OSBPL1A: variants seen among roughly 807,000 people sequenced by gnomAD.
The protein encoded by OSBPL1A is oxysterol binding protein like 1A.
Under a neutral mutation model 137.1 loss-of-function variants are expected in OSBPL1A, and 80 were observed. That is an observed-to-expected ratio of 0.58 (90% CI 0.49 to 0.70). OSBPL1A has a LOEUF of 0.70. OSBPL1A is among the 30% of genes least tolerant of loss of function. The probability of loss-of-function intolerance (pLI) is 0.00; values close to 1 mark genes in which losing one functional copy is unlikely to be tolerated. For missense variants in OSBPL1A, 970 were observed against 1,129.4 expected (o/e 0.86, Z 2.02); for synonymous variants, 365 against 389.7 (o/e 0.94, Z 0.75).
chr18:24,186,857 T>C (rs1264503875), intron 18 of OSBPL1A, among the ~76,000 whole-genome samples: 3 of 126,070 alleles, frequency 2.4e-5, no homozygotes, highest in Admixed American at 1.0e-4. Context: ...TGAGCCAAGA[T>C]CACGCCACTG....
At position 24,163,088 on chromosome 18, in the gene OSBPL1A, AAAGAT is replaced by A. The variant is rs1287543918; in HGVS notation, c.*86_*90del. ...GAGTGTTTTTTCATTTTTTTTTTTA[AAAGAT>A]AAGTAGAAACCAAGGGAAAAAAATT... On this transcript the variant is annotated 3_prime_UTR_variant, in exon 28 of 28. Transcript: ENST00000319481. The A allele has an allele frequency of 7.7e-6, 7 of 912,148 alleles. No individual in the cohort carries two copies. Among genetic ancestry groups the A allele is most frequent in the South Asian group, 1.9e-5 (1 of 53,422 alleles). The allele number at this position is 912,148 out of a possible 1,614,324, so 56.5% of individuals were successfully genotyped here. A position where few individuals can be genotyped will look rare whatever the true frequency, so the allele number is the denominator to read the frequency against.
chr18:24,282,074 C>G (rs2089972395), intron 14 of OSBPL1A, among the ~76,000 whole-genome samples: 1 of 151,886 alleles, frequency 6.6e-6, no homozygotes, highest in Non-Finnish European at 1.5e-5. Context: ...TCCCCACCCC[C>G]CACTCCCAAC....
chr18:24,171,404 T>C lies in OSBPL1A; in HGVS notation c.2291+5A>G, dbSNP rs1361062298. On this transcript the variant is annotated splice_donor_5th_base_variant and intron_variant, in intron 23 of 27. Coordinates refer to ENST00000319481, the MANE Select transcript of OSBPL1A (RefSeq NM_080597.4). ...ACTATTCAACATTTAAAAGAGAAAT[T>C]TTACCTTTTATCTTGAATGTAGCCT... 2 of 1,598,112 alleles carry C rather than the reference T, an allele frequency of 1.3e-6. No individual in the cohort carries two copies. Among genetic ancestry groups the C allele is most frequent in the Non-Finnish European group, 1.7e-6 (2 of 1,171,434 alleles).
chr18:24,364,170 C>A (rs1599718047), intron 4 of OSBPL1A, among the ~76,000 whole-genome samples: 2 of 152,190 alleles, frequency 1.3e-5, no homozygotes, highest in Admixed American at 1.3e-4. Flanking sequence ...CAGCCTAAAA[C>A]TTAATGAGAC....
intron 3 of OSBPL1A, 123 bp downstream of exon 3, chr18:24,368,164 A>G (rs1172332687): frequency 5.1e-6 from 3 of 588,242 alleles, no homozygotes; most frequent in Non-Finnish European, 3.0e-6. Context: ...AGTGTCTTGA[A>G]TGATGAACTA....
intron 1 of OSBPL1A, among the ~76,000 whole-genome samples, chr18:24,391,804 A>G (rs1907379870): frequency 6.6e-6 from 1 of 152,202 alleles, no homozygotes; most frequent in South Asian, 2.1e-4. Flanking sequence ...ATTTTATCAC[A>G]CACAAAAAAT....
At chr18:24,278,585 T>A (rs1266578582) in intron 15 of OSBPL1A, among the ~76,000 whole-genome samples, 1 of 152,190 alleles carries the variant, frequency 6.6e-6, no homozygotes, top group Non-Finnish European at 1.5e-5. Context: ...AAGCAGATAG[T>A]TTAAAAATTA....
At chr18:24,174,929 T>C (rs1245025122) in intron 21 of OSBPL1A, among the ~76,000 whole-genome samples, 1 of 149,980 alleles carries the variant, frequency 6.7e-6, no homozygotes, top group Non-Finnish European at 1.5e-5. Context: ...TGTGTCCCCA[T>C]GCCTGGCTAA....
At chr18:24,218,616 G>GT (rs1416505771) in intron 17 of OSBPL1A, among the ~76,000 whole-genome samples, 1 of 152,050 alleles carries the variant, frequency 6.6e-6, no homozygotes, top group African/African-American at 2.4e-5. Flanking sequence ...GCTAATTTTT[G>GT]TATTTTTTGG....
chr18:24,256,270 G>A (rs2089271432), intron 15 of OSBPL1A, among the ~76,000 whole-genome samples: 1 of 152,036 alleles, frequency 6.6e-6, no homozygotes, highest in Admixed American at 6.5e-5. Context: ...ATGTTAAAAA[G>A]ATCATTCATC....
chr18:24,363,835 C>T, intron 4 of OSBPL1A, among the ~76,000 whole-genome samples: 1 of 151,358 alleles, frequency 6.6e-6, no homozygotes, highest in Non-Finnish European at 1.5e-5. Context: ...TGGGATTCTC[C>T]CTATGTTGCC....
chr18:24,244,035 A>AG (rs1316228604), intron 15 of OSBPL1A, among the ~76,000 whole-genome samples: 1 of 152,218 alleles, frequency 6.6e-6, no homozygotes, highest in Non-Finnish European at 1.5e-5. Context: ...CAGAACACCT[A>AG]GGGGAAATCC....
At chr18:24,391,366 C>G (rs1481018951) in intron 1 of OSBPL1A, among the ~76,000 whole-genome samples, 1 of 152,058 alleles carries the variant, frequency 6.6e-6, no homozygotes, top group Non-Finnish European at 1.5e-5. Flanking sequence ...TGGGGATGGA[C>G]AGTGGTGATA....
chr18:24,171,174 C>T lies in OSBPL1A; in HGVS notation c.2291+235G>A, dbSNP rs574314455. Among the ~76,000 whole-genome samples the T allele has an allele frequency of 2.0e-4, 31 of 151,902 alleles. No individual in the cohort carries two copies. The South Asian group carries it at 6.5e-3, about 32-fold the overall frequency. On this transcript the variant is annotated intron_variant, in intron 23 of 27. Transcript: ENST00000319481. ...CTCAGCCTCCCAATGGCTGGGATTACAGGTGTCCACCACCATGCCTGGCTA... is the reference window on the plus strand; with the variant it reads ...CTCAGCCTCCCAATGGCTGGGATTATAGGTGTCCACCACCATGCCTGGCTA...
At chr18:24,314,157 T>C in intron 12 of OSBPL1A, 92 bp downstream of exon 12, 1 of 731,300 alleles carries the variant, frequency 1.4e-6, no homozygotes. Flanking sequence ...ATCAACAAGA[T>C]GTTGGATGTT....
At chr18:24,344,760 A>C (rs777233007) in intron 4 of OSBPL1A, among the ~76,000 whole-genome samples, 3 of 151,984 alleles carry the variant, frequency 2.0e-5, no homozygotes, top group Non-Finnish European at 4.4e-5. Flanking sequence ...CATAGAGTAG[A>C]TTGGTTTGTT....
intron 14 of OSBPL1A, among the ~76,000 whole-genome samples, chr18:24,284,391 T>A (rs1267211120): frequency 6.6e-6 from 1 of 152,160 alleles, no homozygotes; most frequent in African/African-American, 2.4e-5. Flanking sequence ...GCTGTTGATT[T>A]TCAGGAAAAA....
chr18:24,225,656 A>T (rs1156322074), intron 16 of OSBPL1A, among the ~76,000 whole-genome samples: 76 of 152,340 alleles, frequency 5.0e-4, no homozygotes, highest in African/African-American at 1.8e-3. Context: ...CATAAAAGTA[A>T]AGTAATTTAA....
At chr18:24,193,899 G>A (rs2086957381) in intron 18 of OSBPL1A, among the ~76,000 whole-genome samples, 1 of 152,176 alleles carries the variant, frequency 6.6e-6, no homozygotes, top group Non-Finnish European at 1.5e-5. Context: ...AAGAAGTTAT[G>A]TGCCTAAACA....
Sources: allele counts gnomAD v4.1 joint callset (sites outside exome capture counted in the v4.1 genomes callset), GRCh38; gene constraint gnomAD v4.1.1; transcripts MANE v1.5; gene names NCBI Gene and HGNC (gene_info 2026-07-23, HGNC 2026-07-21).